The following FOXP1 variants were observed in gnomAD, a reference collection of about 807,000 sequenced individuals.
The protein encoded by FOXP1 is forkhead box protein P1.
In FOXP1, 15 loss-of-function variants were observed where a neutral mutation model predicts 98.2. That is an observed-to-expected ratio of 0.15 (90% CI 0.10 to 0.24). The LOEUF (loss-of-function observed/expected upper bound fraction) is 0.24, where lower values mean the gene tolerates loss of function less well. Ranked by LOEUF, FOXP1 falls within the 10% of genes least tolerant of loss-of-function variation. The probability of loss-of-function intolerance (pLI) is 1.00; values close to 1 mark genes in which losing one functional copy is unlikely to be tolerated. For synonymous variants in FOXP1, 371 were observed against 314.5 expected (o/e 1.18, Z -1.90); for missense variants, 633 against 848.5 (o/e 0.75, Z 3.15).
chr3:71,428,270 C>T (rs2084346464), intron 3 of FOXP1, among the ~76,000 whole-genome samples: 1 of 152,244 alleles, frequency 6.6e-6, no homozygotes, highest in African/African-American at 2.4e-5. Context: ...TGAAGCAATT[C>T]TGGAAACTGT....
intron 5 of FOXP1, among the ~76,000 whole-genome samples, chr3:71,258,273 A>C (rs1490088258): frequency 6.6e-6 from 1 of 152,208 alleles, no homozygotes; most frequent in African/African-American, 2.4e-5. Flanking sequence ...CATAGAAGTC[A>C]TATTTGAGCC....
intron 6 of FOXP1, among the ~76,000 whole-genome samples, chr3:71,129,337 T>A (rs1032517227): frequency 2.0e-5 from 3 of 152,318 alleles, no homozygotes; most frequent in African/African-American, 7.2e-5. Context: ...ACCATAGCGA[T>A]AGCAATACAC....
intron 5 of FOXP1, chr3:71,296,432 C>T (rs2073301716): frequency 6.6e-6 from 1 of 152,106 alleles, no homozygotes; most frequent in South Asian, 2.1e-4. Flanking sequence ...TTCCAACAAA[C>T]CTTTTATTTC....
At chr3:71,274,610 T>C (rs2070712143) in intron 5 of FOXP1, among the ~76,000 whole-genome samples, 3 of 152,200 alleles carry the variant, frequency 2.0e-5, no homozygotes, top group South Asian at 2.1e-4. Context: ...CTAAGTCTTA[T>C]ATGGCATGCA....
chr3:71,486,319 T>C (rs1317362978), intron 3 of FOXP1, among the ~76,000 whole-genome samples: 1 of 152,238 alleles, frequency 6.6e-6, no homozygotes, highest in African/African-American at 2.4e-5. Flanking sequence ...TAATTATTTG[T>C]TATAAATATT....
chr3:71,423,633 T>C (rs1349676297), intron 3 of FOXP1, among the ~76,000 whole-genome samples: 1 of 152,164 alleles, frequency 6.6e-6, no homozygotes, highest in African/African-American at 2.4e-5. Flanking sequence ...GAACCAGAAT[T>C]AGAGAGGTAG....
At chr3:71,275,837 C>T (rs559925797) in intron 5 of FOXP1, among the ~76,000 whole-genome samples, 6 of 152,100 alleles carry the variant, frequency 3.9e-5, no homozygotes, top group Admixed American at 3.9e-4. Flanking sequence ...ATCCCTTCTT[C>T]GTTTTTTTGT....
intron 6 of FOXP1, among the ~76,000 whole-genome samples, chr3:71,120,720 C>T (rs2058699803): frequency 6.6e-6 from 1 of 152,112 alleles, no homozygotes; most frequent in African/African-American, 2.4e-5. Flanking sequence ...GAGGTAAAGG[C>T]CAGGCCAAAG....
chr3:71,353,852 A>C (rs1031788271), intron 4 of FOXP1, among the ~76,000 whole-genome samples: 5 of 152,204 alleles, frequency 3.3e-5, no homozygotes, highest in African/African-American at 1.2e-4. Context: ...TAGCAAAAAT[A>C]ATAGATCATC....
chr3:71,434,757 T>C (rs182244801), intron 3 of FOXP1, among the ~76,000 whole-genome samples: 14 of 151,760 alleles, frequency 9.2e-5, no homozygotes, highest in Middle Eastern at 3.4e-3. Flanking sequence ...TTAAAGGTAA[T>C]AGAGTAGAGG....
chr3:71,402,781 T>C (rs573008429), intron 3 of FOXP1, among the ~76,000 whole-genome samples: 30 of 152,310 alleles, frequency 2.0e-4, no homozygotes, highest in Non-Finnish European at 4.3e-4. Flanking sequence ...TTATAAGAGA[T>C]CTTAGGTGTT....
chr3:71,513,796 C>T (rs1469245742), intron 2 of FOXP1, among the ~76,000 whole-genome samples: 8 of 152,170 alleles, frequency 5.3e-5, no homozygotes, highest in African/African-American at 1.9e-4. Flanking sequence ...GCTGAAACTG[C>T]CTGCTGCAAC....
At chr3:71,579,632 C>CTTTTTT (rs35646548) in intron 2 of FOXP1, among the ~76,000 whole-genome samples, 11 of 122,988 alleles carry the variant, frequency 8.9e-5, no homozygotes, top group South Asian at 2.6e-4. Flanking sequence ...TTTCTTTTTT[C>CTTTTTT]TTTTTTTTTT....
At chr3:71,199,988 AT>A (rs2063560339) in intron 5 of FOXP1, among the ~76,000 whole-genome samples, 1 of 142,692 alleles carries the variant, frequency 7.0e-6, no homozygotes, top group African/African-American at 2.6e-5. Flanking sequence ...AGGCAGGAGA[AT>A]TGCTTGAACC....
chr3:71,281,785 C>A (rs978255666), intron 5 of FOXP1, among the ~76,000 whole-genome samples: 2 of 151,820 alleles, frequency 1.3e-5, no homozygotes, highest in East Asian at 3.9e-4. Flanking sequence ...AATGGCTTGG[C>A]CTTTTACATT....
intron 5 of FOXP1, among the ~76,000 whole-genome samples, chr3:71,201,548 G>A (rs1315209858): frequency 6.6e-6 from 1 of 152,132 alleles, no homozygotes; most frequent in Non-Finnish European, 1.5e-5. Context: ...TCGGGAGGCT[G>A]AGGCAGGAGA....
chr3:71,350,714 G>A (rs983631485), intron 4 of FOXP1, among the ~76,000 whole-genome samples: 1 of 152,122 alleles, frequency 6.6e-6, no homozygotes, highest in African/African-American at 2.4e-5. Context: ...TTCAGTTGTG[G>A]GTTAGCTGAA....
intron 7 of FOXP1, among the ~76,000 whole-genome samples, chr3:71,083,055 A>G (rs906302411): frequency 5.9e-5 from 9 of 152,174 alleles, no homozygotes; most frequent in Non-Finnish European, 1.3e-4. Context: ...GGGTGGATAT[A>G]ATGCTAGGTC....
chr3:71,472,974 C>A lies in FOXP1; in HGVS notation c.-168+20452G>T, dbSNP rs533355503. ...CAACTTCTCAGATGGGGAACCAAGG[C>A]TCAGTATGGCAAAATAACTTATGAA... On this transcript the variant is annotated intron_variant, in intron 3 of 20. Coordinates refer to ENST00000649528, the MANE Select transcript of FOXP1 (RefSeq NM_001349338.3). Among the ~76,000 whole-genome samples, 7 of 152,222 alleles carry A rather than the reference C, an allele frequency of 4.6e-5. No homozygotes were observed. In the South Asian group the frequency reaches 1.5e-3, roughly 32 times the overall value.
Sources: allele counts gnomAD v4.1 joint callset (sites outside exome capture counted in the v4.1 genomes callset), GRCh38; gene constraint gnomAD v4.1.1; transcripts MANE v1.5; gene names NCBI Gene and HGNC (gene_info 2026-07-23, HGNC 2026-07-21).